Variants in GOLGA3 observed in about 807,000 individuals in gnomAD.
GOLGA3 encodes the protein golgin subfamily A member 3.
A neutral mutation model predicts 169.4 loss-of-function variants in GOLGA3; 75 were observed. The ratio of observed to expected loss-of-function variants is 0.44; its 90% CI spans 0.37 to 0.54. The LOEUF (loss-of-function observed/expected upper bound fraction) is 0.54, where lower values mean the gene tolerates loss of function less well. Among genes scored for constraint, GOLGA3 ranks in the 20% least tolerant of loss-of-function variants. The pLI, the probability that GOLGA3 is intolerant of heterozygous loss-of-function variation, is 0.00. For missense variants in GOLGA3, 1,899 were observed against 1,930.0 expected, an observed-to-expected ratio of 0.98 and a Z score of 0.30; for synonymous variants, 824 against 822.4, an observed-to-expected ratio of 1.00 and a Z score of -0.03.
chr12:132,816,401 G>A, intron 3 of GOLGA3, 139 bp downstream of exon 3: 1 of 780,128 alleles, frequency 1.3e-6, no homozygotes, highest in Non-Finnish European at 2.1e-6. Flanking sequence ...TAAACTCACA[G>A]CCCCACGTGG....
chr12:132,780,211 T>A (rs940618195), intron 18 of GOLGA3, among the ~76,000 whole-genome samples: 2 of 151,238 alleles, frequency 1.3e-5, no homozygotes, highest in African/African-American at 4.9e-5. Flanking sequence ...CAGGCACACG[T>A]GCACGCACAC....
intron 7 of GOLGA3, 61 bp from the exon 8 acceptor site, chr12:132,802,030 C>T: frequency 7.5e-7 from 1 of 1,337,434 alleles, no homozygotes; most frequent in South Asian, 1.2e-5. Context: ...GTCCGCAGCT[C>T]CGCGCGTGCG....
chr12:132,781,687 T>C (rs1002121037), intron 17 of GOLGA3, among the ~76,000 whole-genome samples: 24 of 152,244 alleles, frequency 1.6e-4, no homozygotes, highest in African/African-American at 5.5e-4. Context: ...TAAGATGGGA[T>C]AGTCAACACC....
At chr12:132,824,351 G>A (rs1175837405) in intron 1 of GOLGA3, among the ~76,000 whole-genome samples, 2 of 152,196 alleles carry the variant, frequency 1.3e-5, no homozygotes, top group African/African-American at 4.8e-5. Context: ...CTGCCACCTT[G>A]CATCCTACAG....
intron 8 of GOLGA3, among the ~76,000 whole-genome samples, chr12:132,800,203 A>C (rs191644592): frequency 6.6e-6 from 1 of 152,342 alleles, no homozygotes; most frequent in African/African-American, 2.4e-5. Context: ...TTGGCTTAAA[A>C]AATATGTAAC....
intron 6 of GOLGA3, among the ~76,000 whole-genome samples, chr12:132,806,351 G>A (rs1016967547): frequency 8.5e-5 from 13 of 152,250 alleles, no homozygotes; most frequent in African/African-American, 2.9e-4. Context: ...GGCTCACGCT[G>A]TAACACTGGA....
At chr12:132,817,136 C>A (rs1294924842) in intron 2 of GOLGA3, among the ~76,000 whole-genome samples, 3 of 149,882 alleles carry the variant, frequency 2.0e-5, no homozygotes, top group African/African-American at 4.9e-5. Flanking sequence ...CCTCCACACT[C>A]TAATGTGAAC....
chr12:132,775,171 C>T lies in GOLGA3; in HGVS notation c.4113G>A (p.Lys1371=). ...KTLLQQNQQL[K]LDLRRGAAKT... ...TGGCCGCGCCGCGGCGTAGGTCCAG[C>T]TTGAGCTGCTGGTTCTGCTGGAGCA... The change falls in exon 22 of 24, where the codon AAG becomes AAA. Residue 1371 remains lysine (K), a synonymous_variant. Transcript: ENST00000450791. 6.2e-7 allele frequency: 1 copy of T among 1,614,068 alleles called. No homozygotes were observed. Among genetic ancestry groups the T allele is most frequent in the Non-Finnish European group, 8.5e-7 (1 of 1,180,028 alleles).
chr12:132,773,849 T>C (rs1274038106), intron 23 of GOLGA3, among the ~76,000 whole-genome samples: 4 of 124,628 alleles, frequency 3.2e-5, no homozygotes, highest in Non-Finnish European at 6.5e-5. Flanking sequence ...CCTCCCCCTT[T>C]ATATAAACCG....
rs1593201102 is a variant in GOLGA3, at chr12:132,769,344, T to G, written c.*3761A>C. ...ATCTTCACGTACAACATTCTGTTTT[T>G]GTTTTTAAAGACCTCAGGGAACTAG... On this transcript the variant is annotated 3_prime_UTR_variant, in exon 24 of 24. Transcript: ENST00000450791. 1 of 152,402 alleles carries G rather than the reference T, an allele frequency of 6.6e-6. No individual in the cohort carries two copies. Among genetic ancestry groups the G allele is most frequent in the Admixed American group, 6.5e-5 (1 of 15,306 alleles). The allele number at this position is 152,402 out of a possible 1,614,324, so 9.4% of individuals were successfully genotyped here.
rs578217150 is a variant in GOLGA3 at position 132,795,908 on chromosome 12, C to G, written c.2413G>C (p.Glu805Gln). The change falls in exon 11 of 24, where the codon GAA becomes CAA. Residue 805 changes from glutamate to glutamine, a missense_variant. Glu to Gln is a conservative substitution (Grantham distance 29). Coordinates refer to ENST00000450791, the MANE Select transcript of GOLGA3 (RefSeq NM_001389683.1). ...AACTTCTCTAAAGTTTCCGACGTTT[C>G]CTCGGTACCTTCTTCCAAGCGTCTT... Reference protein sequence around the residue: ...GARRLEEGTEETSETLEKLRE... With the variant: ...GARRLEEGTEQTSETLEKLRE... 6.2e-7 allele frequency: 1 copy of G among 1,614,176 alleles called. No homozygotes were observed. The highest frequency in any genetic ancestry group is 2.2e-5 in the East Asian group (1 of 44,886).
rs1442037135 is a variant in GOLGA3 at position 132,795,973 on chromosome 12, T to C, written c.2348A>G (p.Gln783Arg). Reference protein sequence around the residue: ...NEKIILEAALQAAKSGKEELD... With the variant: ...NEKIILEAALRAAKSGKEELD... ...CTCCTCCTTGCCACTCTTGGCCGCC[T>C]GCAAAGCCGCCTCCAAGATGATCTT... The change falls in exon 11 of 24, where the codon CAG (glutamine) becomes CGG (arginine). Residue 783 changes from glutamine to arginine, a missense_variant. Gln to Arg is a conservative substitution (Grantham distance 43). Coordinates refer to ENST00000450791, the MANE Select transcript of GOLGA3 (RefSeq NM_001389683.1). 2 of 1,613,898 alleles carry C rather than the reference T, an allele frequency of 1.2e-6. No individual in the cohort carries two copies. Among genetic ancestry groups the C allele is most frequent in the Non-Finnish European group, 1.7e-6 (2 of 1,180,038 alleles).
chr12:132,825,705 C>G lies in GOLGA3; in HGVS notation c.-184+3098G>C, dbSNP rs111238106. The G allele has an allele frequency of 5.2e-6, 7 of 1,352,558 alleles. No individual in the cohort carries two copies. The African/African-American group carries it at 7.2e-5, about 14-fold the overall frequency. 83.8% of individuals were successfully genotyped at this position (1,352,558 alleles called of 1,614,324 possible). ...CTTTTTTCAGTGGCCGGGAAGATGGCGGACATTCAGACTGAGCGTGCCTAC... is the reference window on the plus strand; with the variant it reads ...CTTTTTTCAGTGGCCGGGAAGATGGGGGACATTCAGACTGAGCGTGCCTAC... On this transcript the variant is annotated intron_variant, in intron 1 of 23. Coordinates refer to ENST00000450791, the MANE Select transcript of GOLGA3 (RefSeq NM_001389683.1).
chr12:132,790,275 A>G (rs1001087604), intron 12 of GOLGA3, among the ~76,000 whole-genome samples: 10 of 152,184 alleles, frequency 6.6e-5, no homozygotes, highest in Non-Finnish European at 8.8e-5. Context: ...CGGAGCTTGC[A>G]GTGAGCCGAG....
intron 11 of GOLGA3, among the ~76,000 whole-genome samples, chr12:132,791,809 G>A (rs1322537750): frequency 5.2e-5 from 7 of 134,686 alleles, no homozygotes; most frequent in Admixed American, 2.2e-4. Flanking sequence ...CATCTGCAGC[G>A]ATGTTACACT....
intron 1 of GOLGA3, chr12:132,828,275 G>A (rs1950506925): frequency 6.6e-6 from 1 of 152,182 alleles, no homozygotes; most frequent in Non-Finnish European, 1.5e-5. Context: ...CAGTGACCCA[G>A]ACCCACAATA....
intron 15 of GOLGA3, among the ~76,000 whole-genome samples, chr12:132,785,431 G>A (rs1468348853): frequency 6.6e-6 from 1 of 152,168 alleles, no homozygotes; most frequent in Non-Finnish European, 1.5e-5. Flanking sequence ...CCACCTCAGT[G>A]TCTCAAGCAT....
At chr12:132,786,611 C>G in intron 14 of GOLGA3, 56 bp from the exon 15 acceptor site, 1 of 1,595,184 alleles carries the variant, frequency 6.3e-7, no homozygotes, top group Non-Finnish European at 8.6e-7. Context: ...ATGTGACCGT[C>G]TGGCATTCTG....
rs1341739859 is a variant in GOLGA3, at chr12:132,804,973, G to A, written c.1340C>T (p.Thr447Met). 2.5e-6 allele frequency: 4 copies of A among 1,612,518 alleles called. No individual in the cohort carries two copies. Among genetic ancestry groups the A allele is most frequent in the African/African-American group, 1.3e-5 (1 of 74,930 alleles). Residue 447 changes from threonine to methionine, a missense_variant, in exon 7 of 24, where the codon ACG becomes ATG. Coordinates refer to ENST00000450791, the MANE Select transcript of GOLGA3 (RefSeq NM_001389683.1). This position sits in a 1 kb window ranked among gnomAD's most constrained non-coding sequence, Gnocchi z 4.1. ...ELQAQLAALS[T>M]KLQAQVECSH... ...GCACTCCACCTGCGCCTGCAGCTTC[G>A]TGCTGAGGGCGGCCAGCTGGGCCTG...
Sources: allele counts gnomAD v4.1 joint callset (sites outside exome capture counted in the v4.1 genomes callset), GRCh38; gene constraint gnomAD v4.1.1; non-coding constraint Gnocchi (gnomAD v3.1); transcripts MANE v1.5; gene names NCBI Gene and HGNC (gene_info 2026-07-23, HGNC 2026-07-21).